The following RPTOR variants were observed in gnomAD, a reference collection of about 807,000 sequenced individuals.
RPTOR encodes regulatory associated protein of MTOR complex 1, also known as regulatory-associated protein of mTOR.
In RPTOR, 21 loss-of-function variants were observed where a neutral mutation model predicts 169.9. The ratio of observed to expected loss-of-function variants is 0.12; its 90% CI spans 0.09 to 0.18. RPTOR has a LOEUF of 0.18. Ranked by LOEUF, RPTOR falls within the 10% of genes least tolerant of loss-of-function variation. RPTOR has a pLI of 1.00. For synonymous variants in RPTOR, 732 were observed against 753.2 expected, an observed-to-expected ratio of 0.97 and a Z score of 0.46; for missense variants, 1,133 against 1,855.9, an observed-to-expected ratio of 0.61 and a Z score of 7.16.
chr17:80,908,401 G>A (rs940859365), intron 20 of RPTOR, among the ~76,000 whole-genome samples: 5 of 152,184 alleles, frequency 3.3e-5, no homozygotes, highest in African/African-American at 4.8e-5. Flanking sequence ...ACAGCAGCAC[G>A]TGCTGAACTT....
intron 20 of RPTOR, among the ~76,000 whole-genome samples, chr17:80,899,409 A>G (rs1258136174): frequency 1.3e-5 from 2 of 152,246 alleles, no homozygotes; most frequent in African/African-American, 4.8e-5. Context: ...GGTATTTAAA[A>G]ATTTTTTTTT....
intron 6 of RPTOR, among the ~76,000 whole-genome samples, chr17:80,780,556 G>A (rs1160096178): frequency 1.3e-5 from 2 of 152,180 alleles, no homozygotes; most frequent in Non-Finnish European, 1.5e-5. Context: ...GGACATCTCG[G>A]CAGGGCTGCT....
At chr17:80,748,713 G>A (rs1420164230) in intron 5 of RPTOR, among the ~76,000 whole-genome samples, 6 of 74,110 alleles carry the variant, frequency 8.1e-5, no homozygotes, top group Non-Finnish European at 1.3e-4. Context: ...GACCTGTTGG[G>A]TGGATGGAGG....
Position 80,936,277 on chromosome 17 carries a change from C to T in RPTOR, c.2920-4219C>T, listed in dbSNP as rs1013126893. Among the ~76,000 whole-genome samples, 5 of 152,200 alleles carry T rather than the reference C, an allele frequency of 3.3e-5. No homozygotes were observed. Among genetic ancestry groups the T allele is most frequent in the Non-Finnish European group, 7.3e-5 (5 of 68,036 alleles). ...CTGCAACTACAAGATGCTACAGACA[C>T]CTTGGAAAAGGTTGTCAGTTTCTTA... On this transcript the variant is annotated intron_variant, in intron 24 of 33. Transcript: ENST00000306801. This position sits in a 1 kb window ranked among gnomAD's most constrained non-coding sequence, Gnocchi z 4.1.
chr17:80,652,328 C>T (rs1382766087), intron 3 of RPTOR, among the ~76,000 whole-genome samples: 2 of 152,214 alleles, frequency 1.3e-5, no homozygotes, highest in Non-Finnish European at 2.9e-5. Flanking sequence ...TCCCCCAGGC[C>T]CAGGCAGTCA....
At chr17:80,682,113 C>CT (rs1555606427) in intron 3 of RPTOR, among the ~76,000 whole-genome samples, 4 of 64,412 alleles carry the variant, frequency 6.2e-5, no homozygotes, top group East Asian at 1.2e-3. Flanking sequence ...TAGGTCCCCC[C>CT]CCCCACCCCA....
intron 6 of RPTOR, among the ~76,000 whole-genome samples, chr17:80,774,958 T>G (rs1457226668): frequency 6.6e-6 from 1 of 152,236 alleles, no homozygotes; most frequent in Non-Finnish European, 1.5e-5. Flanking sequence ...CTGTGCGTAG[T>G]CGTGCTCTGG....
Position 80,860,590 on chromosome 17 carries a change from G to A in RPTOR, c.1509+2690G>A, listed in dbSNP as rs2143763729. On this transcript the variant is annotated intron_variant, in intron 13 of 33. Transcript: ENST00000306801. This position sits in a 1 kb window ranked among gnomAD's most constrained non-coding sequence, Gnocchi z 5.8. ...AGCTGAAGTCAGGGGGCAGTGGGGA[G>A]GCTGCTGCCGAAGCGGACGGTGAGG... Among the ~76,000 whole-genome samples the A allele has an allele frequency of 6.6e-6, 1 of 152,244 alleles. No individual in the cohort carries two copies. Among genetic ancestry groups the A allele is most frequent in the South Asian group, 2.1e-4 (1 of 4,816 alleles).
At chr17:80,776,321 C>CTT (rs545348018) in intron 6 of RPTOR, among the ~76,000 whole-genome samples, 30,620 of 112,130 alleles carry the variant, frequency 0.27, 5,573 homozygotes, top group African/African-American at 0.35. Context: ...GCCAAACTTC[C>CTT]TTTTTTTTTT....
At position 80,651,775 on chromosome 17, in the gene RPTOR, T is replaced by C. The variant is rs1165586175; in HGVS notation, c.348+7965T>C. On this transcript the variant is annotated intron_variant, in intron 3 of 33. Coordinates refer to ENST00000306801, the MANE Select transcript of RPTOR (RefSeq NM_020761.3). This position sits in a 1 kb window ranked among gnomAD's most constrained non-coding sequence, Gnocchi z 4.1. ...GCTCACGCCTGTAATCCCAGCACTT[T>C]GGGAGGCCGAGGCGGGTGGATCGTG... 1.3e-5 allele frequency among the ~76,000 whole-genome samples: 2 copies of C among 152,054 alleles called. No homozygotes were observed. The highest frequency in any genetic ancestry group is 2.9e-5 in the Non-Finnish European group (2 of 68,008).
chr17:80,774,275 G>A (rs768068984), intron 6 of RPTOR: 32 of 985,308 alleles, frequency 3.2e-5, no homozygotes, highest in Admixed American at 1.8e-4. Context: ...TGACACAGAC[G>A]GCGCGGGAGC....
chr17:80,910,739 A>C (rs1234988126), intron 21 of RPTOR, among the ~76,000 whole-genome samples: 1 of 151,250 alleles, frequency 6.6e-6, no homozygotes, highest in Non-Finnish European at 1.5e-5. Context: ...CTGATATTAT[A>C]CTTCTGTGGC....
chr17:80,638,221 A>G, intron 2 of RPTOR, among the ~76,000 whole-genome samples: 1 of 152,136 alleles, frequency 6.6e-6, no homozygotes, highest in East Asian at 1.9e-4. Context: ...GCATGAGCCC[A>G]CACTCTGAGG....
intron 3 of RPTOR, among the ~76,000 whole-genome samples, chr17:80,677,108 G>T (rs2065866617): frequency 6.6e-6 from 1 of 152,130 alleles, no homozygotes. Flanking sequence ...TGTTCTTTTG[G>T]TTGTTTATTG....
chr17:80,922,596 T>C (rs2143977044), intron 21 of RPTOR, 128 bp from the exon 22 acceptor site: 1 of 744,844 alleles, frequency 1.3e-6, no homozygotes, highest in Non-Finnish European at 2.3e-6. Context: ...CCATTGGTGT[T>C]GGTGCTTCCT....
At chr17:80,643,345 A>G (rs147297595) in intron 2 of RPTOR, among the ~76,000 whole-genome samples, 1,655 of 152,294 alleles carry the variant, frequency 0.011, 30 homozygotes, top group African/African-American at 0.037. Flanking sequence ...TCCTGTACCC[A>G]TGAGAGCCAT....
At chr17:80,643,510 C>T (rs1365556830) in intron 2 of RPTOR, among the ~76,000 whole-genome samples, 3 of 152,148 alleles carry the variant, frequency 2.0e-5, no homozygotes, top group African/African-American at 7.2e-5. Flanking sequence ...TTCACTTGCC[C>T]GTGATGTTAA....
At chr17:80,672,453 A>G (rs1271004600) in intron 3 of RPTOR, among the ~76,000 whole-genome samples, 3 of 151,876 alleles carry the variant, frequency 2.0e-5, no homozygotes, top group African/African-American at 4.8e-5. Flanking sequence ...GGGGACTTCA[A>G]AAAGTTCATG....
At chr17:80,813,480 C>G (rs150781940) in intron 7 of RPTOR, among the ~76,000 whole-genome samples, 2 of 152,182 alleles carry the variant, frequency 1.3e-5, no homozygotes, top group Admixed American at 1.3e-4. Context: ...CATTGAGAAG[C>G]TGGATGAACT....
Sources: allele counts gnomAD v4.1 joint callset (sites outside exome capture counted in the v4.1 genomes callset), GRCh38; gene constraint gnomAD v4.1.1; non-coding constraint Gnocchi (gnomAD v3.1); transcripts MANE v1.5; gene names NCBI Gene and HGNC (gene_info 2026-07-23, HGNC 2026-07-21).